SS18L1: variants seen among roughly 807,000 people sequenced by gnomAD.
SS18L1 encodes the protein SS18L1 subunit of BAF chromatin remodeling complex.
A neutral mutation model predicts 70.3 loss-of-function variants in SS18L1; 32 were observed. That is an observed-to-expected ratio of 0.46 (90% CI 0.34 to 0.61). The LOEUF (loss-of-function observed/expected upper bound fraction) is 0.61. SS18L1 is among the 20% of genes least tolerant of loss of function. The pLI is 0.01. For missense variants in SS18L1, 430 were observed against 542.1 expected (o/e 0.79, Z 2.05); for synonymous variants, 237 against 229.7 (o/e 1.03, Z -0.29).
intron 10 of SS18L1, chr20:62,175,455 G>C: frequency 1.0e-6 from 1 of 985,328 alleles, no homozygotes; most frequent in Non-Finnish European, 1.2e-6. Flanking sequence ...CAAGGGAAGA[G>C]GGCGTGCCAA....
Position 62,163,576 on chromosome 20 carries a change from C to T in SS18L1, c.675C>T (p.Ser225=). ...AMMGQGSQGS[S]MMGQRPMAPY... is the part of the protein sequence containing the mutation. Reference sequence around the variant, plus strand: ...TGGGGCAGGGCAGCCAGGGGAGCAGCATGATGGGGCAGCGGCCCATGGCGC... The same window carrying T: ...TGGGGCAGGGCAGCCAGGGGAGCAGTATGATGGGGCAGCGGCCCATGGCGC... Residue 225 remains serine (S), a synonymous_variant, in exon 6 of 11, where the codon AGC becomes AGT. Transcript: ENST00000331758. 1 of 1,608,614 alleles carries T rather than the reference C, an allele frequency of 6.2e-7. No individual in the cohort carries two copies. Among genetic ancestry groups the T allele is most frequent in the African/African-American group, 1.3e-5 (1 of 75,004 alleles).
chr20:62,150,727 C>T (rs908439049), intron 1 of SS18L1, among the ~76,000 whole-genome samples: 3 of 134,732 alleles, frequency 2.2e-5, no homozygotes, highest in Admixed American at 8.7e-5. Context: ...GATCACAGCT[C>T]GTGCAGCCTT....
At chr20:62,144,501 C>G (rs1210992746) in intron 1 of SS18L1, among the ~76,000 whole-genome samples, 1 of 152,216 alleles carries the variant, frequency 6.6e-6, no homozygotes, top group Admixed American at 6.5e-5. Context: ...TGCGGGGCAT[C>G]GTTACGCAGC....
In SS18L1 at chr20:62,174,396, T is replaced by C; in HGVS notation, c.1037-121T>C. 6.9e-7 allele frequency: 1 copy of C among 1,452,510 alleles called. No homozygotes were observed. Among genetic ancestry groups the C allele is most frequent in the East Asian group, 2.5e-5 (1 of 40,406 alleles). 90.0% of individuals were successfully genotyped at this position (1,452,510 alleles called of 1,614,324 possible). On this transcript the variant is annotated intron_variant, in intron 9 of 10. Coordinates refer to ENST00000331758, the MANE Select transcript of SS18L1 (RefSeq NM_198935.3). The surrounding 1 kb of genome is among the most constrained non-coding windows in gnomAD (Gnocchi z 4.1). The stretch of plus-strand genomic sequence containing the variant: ...GTTCTGGAGATTGACAAAAGGCTGA[T>C]GCATTGAGACGGGAATTTTTCAAGG...
chr20:62,165,320 C>T, intron 7 of SS18L1, 102 bp from the exon 8 acceptor site: 1 of 1,185,472 alleles, frequency 8.4e-7, no homozygotes, highest in Non-Finnish European at 1.2e-6. Context: ...TTGTTGCCTC[C>T]CTGGCCAGAC....
At chr20:62,167,676 C>T (rs1040531664) in intron 8 of SS18L1, among the ~76,000 whole-genome samples, 8 of 152,250 alleles carry the variant, frequency 5.3e-5, no homozygotes, top group African/African-American at 1.9e-4. Flanking sequence ...GGGCCTGGCC[C>T]TGTCCCTTCC....
chr20:62,175,648 CTT>C (rs997479963), intron 10 of SS18L1, among the ~76,000 whole-genome samples: 11 of 152,218 alleles, frequency 7.2e-5, no homozygotes, highest in Admixed American at 2.6e-4. Flanking sequence ...GTTAGGGACA[CTT>C]TACACTGCCA....
At chr20:62,151,497 A>T (rs1265288727) in intron 1 of SS18L1, among the ~76,000 whole-genome samples, 2 of 151,932 alleles carry the variant, frequency 1.3e-5, no homozygotes, top group African/African-American at 2.4e-5. Context: ...CGTTGGGGCC[A>T]CCCCTCAGAG....
chr20:62,174,822 C>T lies in SS18L1; in HGVS notation c.1164+178C>T. On this transcript the variant is annotated intron_variant, in intron 10 of 10. Transcript: ENST00000331758. The surrounding 1 kb of genome is among the most constrained non-coding windows in gnomAD (Gnocchi z 4.1). ...TTGCAGAATTGCCTCTGTGTATACG[C>T]TCACCTCAGTCATCCAGCTGGCTTT... is the stretch of plus-strand genomic sequence containing the variant. 9 of 1,491,214 alleles carry T rather than the reference C, an allele frequency of 6.0e-6. No homozygotes were observed. The highest frequency in any genetic ancestry group is 8.1e-6 in the Non-Finnish European group (9 of 1,117,756). 92.4% of individuals were successfully genotyped at this position (1,491,214 alleles called of 1,614,324 possible).
At chr20:62,154,401 G>T in intron 1 of SS18L1, 1 of 1,047,592 alleles carries the variant, frequency 9.5e-7, no homozygotes, top group Non-Finnish European at 1.2e-6. Flanking sequence ...GGTTTCGGCG[G>T]ACTAGAATTT....
rs187332733 is a variant in SS18L1 at position 62,160,882 on chromosome 20, C to T, written c.232-554C>T. Among the ~76,000 whole-genome samples, 358 of 152,110 alleles carry T rather than the reference C, an allele frequency of 2.4e-3. 1 individual carries two copies. Among genetic ancestry groups the T allele is most frequent in the African/African-American group, 7.6e-3 (314 of 41,498 alleles). ...AGCATGTGTGTGCAGACCTCCAGAG[C>T]TGCTGGTTGACCTTGATCTGGGAGA... On this transcript the variant is annotated intron_variant, in intron 3 of 10. Coordinates refer to ENST00000331758, the MANE Select transcript of SS18L1 (RefSeq NM_198935.3).
At chr20:62,167,132 G>A (rs188255523) in intron 8 of SS18L1, among the ~76,000 whole-genome samples, 2 of 131,740 alleles carry the variant, frequency 1.5e-5, no homozygotes, top group Admixed American at 8.6e-5. Context: ...TGCCACCTCC[G>A]CCTCCCAGGT....
intron 9 of SS18L1, 134 bp downstream of exon 9, chr20:62,172,935 C>T (rs536033833): frequency 4.1e-6 from 6 of 1,469,682 alleles, no homozygotes; most frequent in Admixed American, 4.4e-5. Flanking sequence ...GGCGAGCACG[C>T]TCCTCGGGGC....
At chr20:62,151,638 A>G (rs2057131892) in intron 1 of SS18L1, among the ~76,000 whole-genome samples, 1 of 152,138 alleles carries the variant, frequency 6.6e-6, no homozygotes, top group African/African-American at 2.4e-5. Context: ...GAACTAAGAA[A>G]TCATGTTTCA....
intron 1 of SS18L1, among the ~76,000 whole-genome samples, chr20:62,150,757 A>T (rs2057115734): frequency 7.1e-6 from 1 of 140,480 alleles, no homozygotes; most frequent in African/African-American, 2.7e-5. Flanking sequence ...GGCTCAAGGG[A>T]CAGGTGAGGT....
intron 1 of SS18L1, among the ~76,000 whole-genome samples, chr20:62,153,873 G>A (rs907595971): frequency 7.2e-5 from 11 of 152,098 alleles, no homozygotes; most frequent in African/African-American, 2.4e-4. Flanking sequence ...GGCCTCCTGA[G>A]AACAGGTGTT....
chr20:62,178,116 C>T (rs2057651753), intron 10 of SS18L1, among the ~76,000 whole-genome samples: 1 of 147,116 alleles, frequency 6.8e-6, no homozygotes. Context: ...ACCTCCGGGG[C>T]ATGCGCCACA....
intron 4 of SS18L1, 129 bp from the exon 5 acceptor site, chr20:62,162,623 A>C (rs756208604): frequency 6.5e-6 from 6 of 924,250 alleles, no homozygotes; most frequent in Non-Finnish European, 9.4e-6. Flanking sequence ...TTAGTCACTT[A>C]ATCATTAATA....
At chr20:62,170,860 A>C (rs989394056) in intron 8 of SS18L1, among the ~76,000 whole-genome samples, 3 of 150,990 alleles carry the variant, frequency 2.0e-5, no homozygotes, top group Non-Finnish European at 4.4e-5. Context: ...TGCCAGGGCA[A>C]AGCTGGCCCG....
Sources: allele counts gnomAD v4.1 joint callset (sites outside exome capture counted in the v4.1 genomes callset), GRCh38; gene constraint gnomAD v4.1.1; non-coding constraint Gnocchi (gnomAD v3.1); transcripts MANE v1.5; gene names NCBI Gene and HGNC (gene_info 2026-07-23, HGNC 2026-07-21).